The following SYNM variants were observed in gnomAD, a reference collection of about 807,000 sequenced individuals.
SYNM encodes the protein synemin.
A neutral mutation model predicts 104.0 loss-of-function variants in SYNM; 95 were observed. The observed-to-expected ratio is 0.91, with a 90% confidence interval of 0.77 to 1.08. The LOEUF is 1.08. Among genes scored for constraint, SYNM ranks in the 50% least tolerant of loss-of-function variants. SYNM has a pLI of 0.00. For synonymous variants in SYNM, 918 were observed against 869.0 expected (o/e 1.06, Z -0.99); for missense variants, 2,150 against 2,052.2 (o/e 1.05, Z -0.92).
intron 2 of SYNM, among the ~76,000 whole-genome samples, chr15:99,116,289 T>C (rs1356748953): frequency 6.6e-6 from 1 of 152,250 alleles, no homozygotes; most frequent in East Asian, 1.9e-4. Flanking sequence ...TTGAGTTAGA[T>C]GATCTAAACT....
chr15:99,129,265 A>T, intron 3 of SYNM, 102 bp from the exon 4 acceptor site: 1 of 1,468,742 alleles, frequency 6.8e-7, no homozygotes, highest in East Asian at 2.3e-5. Context: ...AACAGTGTAT[A>T]TTTATTATGA....
chr15:99,141,454 G>A, the SYNM span, among the ~76,000 whole-genome samples: 2 of 152,084 alleles, frequency 1.3e-5, no homozygotes, highest in Non-Finnish European at 2.9e-5. Context: ...AGGTATAGAG[G>A]GGACTTCAAC....
rs782242404 is a variant in SYNM at position 99,131,220 on chromosome 15, G to A, written c.2860G>A (p.Gly954Arg). The change falls in exon 4 of 4, where the codon GGG (glycine) becomes AGG (arginine). Residue 954 changes from glycine (G) to arginine (R), a missense_variant. Physicochemically the swap from Gly to Arg is moderately radical, Grantham distance 125. Coordinates refer to ENST00000336292, the MANE Select transcript of SYNM (RefSeq NM_145728.3). The surrounding 1 kb of genome is among the most constrained non-coding windows in gnomAD (Gnocchi z 4.3). ...CCGGCAGCAGCTGGTGGAGGTCATC[G>A]GGCAGCTGGAGGAAACCCTTCCCGA... ...EPRQQLVEVI[G>R]QLEETLPERM... 1.3e-5 allele frequency: 21 copies of A among 1,608,818 alleles called. No individual in the cohort carries two copies. Among genetic ancestry groups the A allele is most frequent in the African/African-American group, 6.7e-5 (5 of 74,832 alleles).
chr15:99,109,582 G>A lies in SYNM; in HGVS notation c.810+3573G>A, dbSNP rs548833553. On this transcript the variant is annotated intron_variant, in intron 1 of 3. Transcript: ENST00000336292. ...CTCTGCCGCTCTTTGGGCAGGTTAC[G>A]TTCCTTAACCTGTCTGCAATTCAGT... Among the ~76,000 whole-genome samples the A allele has an allele frequency of 1.4e-3, 212 of 152,248 alleles. 2 individuals carry two copies. The highest frequency in any genetic ancestry group is 2.5e-3 in the Admixed American group (38 of 15,300).
chr15:99,122,324 T>G (rs1555484607), intron 2 of SYNM, among the ~76,000 whole-genome samples: 1 of 152,244 alleles, frequency 6.6e-6, no homozygotes, highest in East Asian at 1.9e-4. Context: ...TCTAGTGATA[T>G]TTCTGATTGC....
intron 2 of SYNM, 122 bp from the exon 3 acceptor site, chr15:99,126,600 A>G: frequency 1.0e-6 from 1 of 972,304 alleles, no homozygotes; most frequent in Non-Finnish European, 1.5e-6. Context: ...TCTCCTCTTC[A>G]GGTAGAAGTC....
intron 2 of SYNM, among the ~76,000 whole-genome samples, chr15:99,115,757 C>T (rs782522970): frequency 2.0e-5 from 3 of 152,320 alleles, no homozygotes; most frequent in East Asian, 3.9e-4. Flanking sequence ...CCACTGCGCC[C>T]GGCCCTGATC....
chr15:99,117,250 G>C (rs1158595207), intron 2 of SYNM, among the ~76,000 whole-genome samples: 1 of 152,202 alleles, frequency 6.6e-6, no homozygotes, highest in African/African-American at 2.4e-5. Context: ...CACGTGGCTG[G>C]GTGGGGCCCG....
chr15:99,119,447 T>G (rs2067379869), intron 2 of SYNM, among the ~76,000 whole-genome samples: 1 of 152,176 alleles, frequency 6.6e-6, no homozygotes, highest in African/African-American at 2.4e-5. Context: ...AGGTAAGTGC[T>G]AGGTCTTCTC....
Position 99,130,728 on chromosome 15 carries a change from T to C in SYNM, c.2368T>C (p.Tyr790His). ...GGGGTTGGTTAAGGAGGAGGAAGGT[T>C]ATGGAGAAAGCGATGTCACATTCTC... ...PWGLVKEEEG[Y>H]GESDVTFSVN... The change falls in exon 4 of 4, where the codon TAT (tyrosine) becomes CAT (histidine). Residue 790 changes from tyrosine to histidine, a missense_variant. Coordinates refer to ENST00000336292, the MANE Select transcript of SYNM (RefSeq NM_145728.3). The C allele has an allele frequency of 6.2e-7, 1 of 1,611,894 alleles. No individual in the cohort carries two copies. Among genetic ancestry groups the C allele is most frequent in the Non-Finnish European group, 8.5e-7 (1 of 1,178,530 alleles).
chr15:99,133,127 T>C lies in SYNM; in HGVS notation c.*69T>C, dbSNP rs140731040. 7.9e-4 allele frequency: 1,254 copies of C among 1,584,834 alleles called. 7 individuals are homozygous for C. The African/African-American group carries it at 0.015, about 19-fold the overall frequency. On this transcript the variant is annotated 3_prime_UTR_variant, in exon 4 of 4. Coordinates refer to ENST00000336292, the MANE Select transcript of SYNM (RefSeq NM_145728.3). ...GCCAACATCCAAAGGCCTTAACTTA[T>C]TTTAAGAGGCCGAGGGAGTCTATGA...
chr15:99,126,856 T>C (rs965309942), intron 3 of SYNM, 64 bp downstream of exon 3: 17 of 1,433,724 alleles, frequency 1.2e-5, no homozygotes, highest in Admixed American at 1.1e-4. Flanking sequence ...TGTGGCTAGA[T>C]AGTAAAGCAC....
intron 2 of SYNM, among the ~76,000 whole-genome samples, chr15:99,120,936 C>T (rs1248623851): frequency 5.9e-5 from 9 of 152,062 alleles, no homozygotes; most frequent in African/African-American, 1.9e-4. Flanking sequence ...GGGGTAGTGT[C>T]GATGGTTCAC....
chr15:99,138,937 GGTCA>G (rs1555488592), downstream of SYNM, among the ~76,000 whole-genome samples: 7 of 152,198 alleles, frequency 4.6e-5, no homozygotes, highest in South Asian at 1.5e-3. Flanking sequence ...CAGCCTTTAA[GGTCA>G]GTCAGTGAAC....
chr15:99,114,154 A>T (rs370457477), intron 2 of SYNM, among the ~76,000 whole-genome samples: 1 of 152,174 alleles, frequency 6.6e-6, no homozygotes, highest in Admixed American at 6.5e-5. Flanking sequence ...GTAATTTACA[A>T]AGGAAAGAGG....
rs781802204 is a variant in SYNM, at chr15:99,131,843, AGCGAG to A, written c.3484_3488del (p.Ala1162ProfsTer68). 3 of 1,613,862 alleles carry A rather than the reference AGCGAG, an allele frequency of 1.9e-6. No homozygotes were observed. The highest frequency in any genetic ancestry group is 1.7e-6 in the Non-Finnish European group (2 of 1,179,900). ...GTGCGGGAGGTGACCTAAGTCAGGC[AGCGAG>A]CCCGACCGGAGCCAGCCGGTCTGTG... is the stretch of plus-strand genomic sequence containing the variant. On this transcript the variant is annotated frameshift_variant, in exon 4 of 4. Coordinates refer to ENST00000336292, the MANE Select transcript of SYNM (RefSeq NM_145728.3). LOFTEE classifies it high-confidence loss of function. The surrounding 1 kb of genome is among the most constrained non-coding windows in gnomAD (Gnocchi z 4.3).
At position 99,105,996 on chromosome 15, in the gene SYNM, C is replaced by G. The variant is rs140039713; in HGVS notation, c.797C>G (p.Ala266Gly). The change falls in exon 1 of 4, where the codon GCC (alanine) becomes GGC (glycine). Residue 266 changes from alanine to glycine, a missense_variant. Transcript: ENST00000336292. Reference sequence around the variant, plus strand: ...ATGCGCGAGGAGTACGGGATACAGGCCGAGGAGCGGCAGGTCCGTGCGCGG... The same window carrying G: ...ATGCGCGAGGAGTACGGGATACAGGGCGAGGAGCGGCAGGTCCGTGCGCGG... The part of the protein sequence containing the change: ...LRMREEYGIQ[A>G]EERQRVIDCL... 8 of 1,476,498 alleles carry G rather than the reference C, an allele frequency of 5.4e-6. No homozygotes were observed. In the Admixed American group the frequency reaches 1.8e-4, roughly 33 times the overall value. The allele number at this position is 1,476,498 out of a possible 1,614,324, so 91.5% of individuals were successfully genotyped here. A position where few individuals can be genotyped will look rare whatever the true frequency, so the allele number is the denominator to read the frequency against.
downstream of SYNM, chr15:99,139,444 T>C: frequency 1.2e-6 from 2 of 1,613,150 alleles, no homozygotes; most frequent in Non-Finnish European, 1.7e-6. Flanking sequence ...GAAGTGTCGC[T>C]GAGAGCAGGA....
chr15:99,131,263 T>A lies in SYNM; in HGVS notation c.2903T>A (p.Leu968Gln). ...ETLPERMREELSALTREGQGG... is the reference protein window; with the variant it reads ...ETLPERMREEQSALTREGQGG... The stretch of plus-strand genomic sequence containing the variant: ...CTTCCCGAGCGCATGAGGGAGGAGC[T>A]GTCCGCCCTCACCAGAGAGGGGCAG... The change falls in exon 4 of 4, where the codon CTG (leucine) becomes CAG (glutamine). Residue 968 changes from leucine (L) to glutamine (Q), a missense_variant. By Grantham distance (113) the Leu-to-Gln change is moderately radical. Coordinates refer to ENST00000336292, the MANE Select transcript of SYNM (RefSeq NM_145728.3). The surrounding 1 kb of genome is among the most constrained non-coding windows in gnomAD (Gnocchi z 4.3). 1.2e-6 allele frequency: 2 copies of A among 1,610,958 alleles called. No individual in the cohort carries two copies. Among genetic ancestry groups the A allele is most frequent in the Non-Finnish European group, 1.7e-6 (2 of 1,178,942 alleles).
Sources: gnomAD v4.1 joint callset for allele counts (sites outside exome capture counted in the v4.1 genomes callset) on GRCh38, gnomAD v4.1.1 for gene constraint, Gnocchi (gnomAD v3.1) non-coding constraint, MANE v1.5 for transcripts, NCBI Gene and HGNC (gene_info 2026-07-23, HGNC 2026-07-21) for gene names.